Variants in GNG7 observed in about 807,000 individuals in gnomAD.
GNG7 encodes guanine nucleotide-binding protein G(I)/G(S)/G(O) subunit gamma-7.
In GNG7, 1 loss-of-function variant was observed where a neutral mutation model predicts 4.0. That is an observed-to-expected ratio of 0.25 (90% CI 0.09 to 1.18). The LOEUF (loss-of-function observed/expected upper bound fraction) is 1.18, where lower values mean the gene tolerates loss of function less well. Among genes scored for constraint, GNG7 ranks in the 50% most tolerant of loss-of-function variants. The probability of loss-of-function intolerance (pLI) is 0.50; values close to 1 mark genes in which losing one functional copy is unlikely to be tolerated. For missense variants in GNG7, 86 were observed against 91.9 expected, an observed-to-expected ratio of 0.94 and a Z score of 0.26; for synonymous variants, 34 against 36.9, an observed-to-expected ratio of 0.92 and a Z score of 0.29.
intron 2 of GNG7, among the ~76,000 whole-genome samples, chr19:2,565,780 G>A (rs1225988045): frequency 1.3e-5 from 2 of 152,168 alleles, no homozygotes; most frequent in African/African-American, 4.8e-5. Flanking sequence ...GAGCCCGGCC[G>A]AGTCCTACAG....
chr19:2,669,731 T>A (rs1983402408), intron 1 of GNG7, among the ~76,000 whole-genome samples: 1 of 152,106 alleles, frequency 6.6e-6, no homozygotes. Context: ...TGTTGATGGC[T>A]GGGTGCAGCG....
At chr19:2,587,319 T>C (rs1980704952) in intron 2 of GNG7, among the ~76,000 whole-genome samples, 1 of 152,290 alleles carries the variant, frequency 6.6e-6, no homozygotes, top group South Asian at 2.1e-4. Context: ...CGACCTCACC[T>C]GCGTACCCTG....
At chr19:2,531,256 A>C (rs550561078) in intron 3 of GNG7, among the ~76,000 whole-genome samples, 1 of 141,082 alleles carries the variant, frequency 7.1e-6, no homozygotes, top group African/African-American at 2.7e-5. Flanking sequence ...GTGAACCGAG[A>C]TCGTGCCACT....
intron 2 of GNG7, among the ~76,000 whole-genome samples, chr19:2,625,577 A>G (rs1286457323): frequency 1.3e-5 from 2 of 152,182 alleles, no homozygotes; most frequent in Middle Eastern, 3.4e-3. Context: ...AGGTTCTGCC[A>G]CCAACTTGTA....
chr19:2,569,686 G>A (rs1980087199), intron 2 of GNG7, among the ~76,000 whole-genome samples: 1 of 152,284 alleles, frequency 6.6e-6, no homozygotes, highest in Non-Finnish European at 1.5e-5. Flanking sequence ...GTTCTCTGGG[G>A]TGGAGCCATC....
At chr19:2,549,548 C>G (rs929903553) in intron 3 of GNG7, among the ~76,000 whole-genome samples, 1 of 152,100 alleles carries the variant, frequency 6.6e-6, no homozygotes, top group African/African-American at 2.4e-5. Flanking sequence ...CTCGGCCTCC[C>G]AAAGTGCTGG....
intron 1 of GNG7, among the ~76,000 whole-genome samples, chr19:2,664,743 C>CCTG (rs1983262544): frequency 2.0e-5 from 3 of 151,432 alleles, no homozygotes; most frequent in Non-Finnish European, 4.4e-5. Context: ...CATTTTTTTG[C>CCTG]CAGTTAATGC....
At chr19:2,613,805 C>T (rs1245422488) in intron 2 of GNG7, among the ~76,000 whole-genome samples, 2 of 152,112 alleles carry the variant, frequency 1.3e-5, no homozygotes, top group Non-Finnish European at 2.9e-5. Context: ...AGGATCTAGC[C>T]CCAGATGTCC....
intron 2 of GNG7, among the ~76,000 whole-genome samples, chr19:2,644,134 C>T (rs1350551325): frequency 6.6e-6 from 1 of 151,812 alleles, no homozygotes; most frequent in Non-Finnish European, 1.5e-5. Context: ...AATCCTCCCA[C>T]CTCAGCCCCC....
At chr19:2,562,372 C>T (rs990907959) in intron 2 of GNG7, among the ~76,000 whole-genome samples, 1 of 152,168 alleles carries the variant, frequency 6.6e-6, no homozygotes, top group Admixed American at 6.5e-5. Flanking sequence ...CAACCTCCGC[C>T]TCCCAGGTTC....
intron 3 of GNG7, among the ~76,000 whole-genome samples, chr19:2,532,665 C>T (rs1978632186): frequency 6.6e-6 from 1 of 152,078 alleles, no homozygotes; most frequent in East Asian, 1.9e-4. Flanking sequence ...TAAAAAGTGG[C>T]AGAGAAATGG....
chr19:2,602,656 T>A (rs368933851), intron 2 of GNG7, among the ~76,000 whole-genome samples: 7 of 152,196 alleles, frequency 4.6e-5, no homozygotes, highest in African/African-American at 1.7e-4. Flanking sequence ...CTACCTTCCG[T>A]GGTGTTCTGG....
chr19:2,529,335 GCC>G (rs1472717320), intron 3 of GNG7, among the ~76,000 whole-genome samples: 1 of 152,180 alleles, frequency 6.6e-6, no homozygotes, highest in Admixed American at 6.5e-5. Flanking sequence ...TCTTGCCTCA[GCC>G]TCCCGGAGTA....
At chr19:2,644,494 G>GA (rs894560352) in intron 2 of GNG7, among the ~76,000 whole-genome samples, 2 of 151,112 alleles carry the variant, frequency 1.3e-5, no homozygotes, top group Non-Finnish European at 2.9e-5. Context: ...CCAAAAAGAA[G>GA]AAAAAAATCA....
intron 3 of GNG7, among the ~76,000 whole-genome samples, chr19:2,530,580 C>T (rs768230079): frequency 5.3e-5 from 8 of 150,880 alleles, no homozygotes; most frequent in Middle Eastern, 6.8e-3. Flanking sequence ...ATTAGCTGGA[C>T]GTGGTGGCGG....
At chr19:2,532,347 C>T (rs554419018) in intron 3 of GNG7, among the ~76,000 whole-genome samples, 4 of 152,058 alleles carry the variant, frequency 2.6e-5, no homozygotes, top group African/African-American at 9.6e-5. Context: ...GAGAAAATGA[C>T]AATATCTGAA....
At chr19:2,696,380 AG>A (rs1349265764) in intron 1 of GNG7, among the ~76,000 whole-genome samples, 1 of 151,794 alleles carries the variant, frequency 6.6e-6, no homozygotes, top group Non-Finnish European at 1.5e-5. Flanking sequence ...AAGGAAAGGA[AG>A]GGAAGAAAGA....
chr19:2,638,938 A>G (rs145163786), intron 2 of GNG7, among the ~76,000 whole-genome samples: 258 of 152,312 alleles, frequency 1.7e-3, no homozygotes, highest in Middle Eastern at 6.8e-3. Context: ...CTCATGTATA[A>G]CAAACATTTA....
rs1981843324 is a variant in GNG7, at chr19:2,620,623, C to T, written c.-78+25601G>A. Among the ~76,000 whole-genome samples the T allele has an allele frequency of 2.6e-5, 4 of 152,276 alleles. No homozygotes were observed. The South Asian group carries it at 6.2e-4, about 24-fold the overall frequency. ...GGTGAGCTTCTTAGGGTCCTGTCAT[C>T]GGCCACCCTAGAGGGACCTAGGGGT... is the stretch of plus-strand genomic sequence containing the variant. On this transcript the variant is annotated intron_variant, in intron 2 of 4. Transcript: ENST00000382159.
Sources: allele counts gnomAD v4.1 joint callset (sites outside exome capture counted in the v4.1 genomes callset), GRCh38; gene constraint gnomAD v4.1.1; transcripts MANE v1.5; gene names NCBI Gene and HGNC (gene_info 2026-07-23, HGNC 2026-07-21).